ZYG11B: variants seen among roughly 807,000 people sequenced by gnomAD.
ZYG11B encodes zyg-11 family member B, cell cycle regulator, also known as protein zyg-11 homolog B.
A neutral mutation model predicts 82.4 loss-of-function variants in ZYG11B; 36 were observed. That is an observed-to-expected ratio of 0.44 (90% CI 0.33 to 0.58). The LOEUF is 0.58. Ranked by LOEUF, ZYG11B falls within the 20% of genes least tolerant of loss-of-function variation. The probability of loss-of-function intolerance (pLI) is 0.02; values close to 1 mark genes in which losing one functional copy is unlikely to be tolerated. For missense variants in ZYG11B, 552 were observed against 895.6 expected (o/e 0.62, Z 4.90); for synonymous variants, 303 against 312.8 (o/e 0.97, Z 0.33).
chr1:52,749,080 G>A (rs1644500457), intron 1 of ZYG11B, among the ~76,000 whole-genome samples: 1 of 151,732 alleles, frequency 6.6e-6, no homozygotes, highest in Non-Finnish European at 1.5e-5. Context: ...CCGCGTGCCT[G>A]TAATCCCAGG....
Position 52,802,092 on chromosome 1 carries a change from T to A in ZYG11B, c.1648T>A (p.Ser550Thr). ...GLELFMRVLESFPTESSIQQK... is the reference protein window; with the variant it reads ...GLELFMRVLETFPTESSIQQK... Reference sequence around the variant, plus strand: ...TATAGGTTTCTTTTTCTTTTTACAGTCTTTCCCAACTGAGTCATCCATTCA... The same window carrying A: ...TATAGGTTTCTTTTTCTTTTTACAGACTTTCCCAACTGAGTCATCCATTCA... Residue 550 changes from serine to threonine, a missense_variant and splice_region_variant, in exon 10 of 14, where the codon TCT becomes ACT. Physicochemically the swap from Ser to Thr is moderately conservative, Grantham distance 58. This residue lies in a region of ZYG11B where 66 missense variants were observed against 176.4 expected (regional missense o/e 0.37). Coordinates refer to ENST00000294353, the MANE Select transcript of ZYG11B (RefSeq NM_024646.3). 3.7e-6 allele frequency: 6 copies of A among 1,608,064 alleles called. No homozygotes were observed. Among genetic ancestry groups the A allele is most frequent in the Non-Finnish European group, 4.2e-6 (5 of 1,178,484 alleles).
chr1:52,733,462 C>G (rs1037844141), intron 1 of ZYG11B, among the ~76,000 whole-genome samples: 27 of 152,010 alleles, frequency 1.8e-4, no homozygotes, highest in African/African-American at 6.0e-4. Context: ...TTGCTTGAGC[C>G]CAGGAGTTCG....
chr1:52,820,036 T>C (rs12733010), intron 13 of ZYG11B, among the ~76,000 whole-genome samples: 3 of 150,992 alleles, frequency 2.0e-5, no homozygotes, highest in Non-Finnish European at 1.5e-5. Flanking sequence ...GCCTCAGCCT[T>C]CCAAGTAGCT....
At chr1:52,731,891 C>T (rs921818598) in intron 1 of ZYG11B, among the ~76,000 whole-genome samples, 4 of 152,298 alleles carry the variant, frequency 2.6e-5, no homozygotes, top group African/African-American at 9.6e-5. Flanking sequence ...CAGTCTCGAC[C>T]TCCCAGGCCC....
intron 3 of ZYG11B, among the ~76,000 whole-genome samples, chr1:52,773,459 G>A (rs1194523435): frequency 6.9e-6 from 1 of 144,652 alleles, no homozygotes; most frequent in African/African-American, 2.6e-5. Context: ...GGGTGACAGC[G>A]TGAGACTCCG....
rs771062294 is a variant in ZYG11B at position 52,784,918 on chromosome 1, A to G, written c.1134A>G (p.Pro378=). The change falls in exon 5 of 14, where the codon CCA becomes CCG. Residue 378 remains proline, a synonymous_variant. Coordinates refer to ENST00000294353, the MANE Select transcript of ZYG11B (RefSeq NM_024646.3). Reference sequence around the variant, plus strand: ...TGAGAAACCACCCTATGAATTTGCCAGTGCAACTGGCTGCAAGCGCCTGTG... The same window carrying G: ...TGAGAAACCACCCTATGAATTTGCCGGTGCAACTGGCTGCAAGCGCCTGTG... The part of the protein sequence containing the change: ...TGMRNHPMNL[P]VQLAASACVF... 3.1e-6 allele frequency: 5 copies of G among 1,613,886 alleles called. No individual in the cohort carries two copies. The South Asian group carries it at 4.4e-5, about 14-fold the overall frequency.
intron 3 of ZYG11B, chr1:52,772,695 T>C: frequency 1.4e-6 from 1 of 714,146 alleles, no homozygotes. Flanking sequence ...TTTTTTCTTT[T>C]GAGACGGAGT....
chr1:52,749,840 A>C (rs948019270), intron 1 of ZYG11B, among the ~76,000 whole-genome samples: 8 of 152,204 alleles, frequency 5.3e-5, no homozygotes, highest in African/African-American at 1.9e-4. Flanking sequence ...GGCATGAGCC[A>C]CCGTGCCCAT....
At chr1:52,750,754 C>T (rs1306116023) in intron 1 of ZYG11B, among the ~76,000 whole-genome samples, 1 of 152,164 alleles carries the variant, frequency 6.6e-6, no homozygotes, top group Non-Finnish European at 1.5e-5. Context: ...CTAGCATTCA[C>T]TTTCCATTTT....
At chr1:52,758,198 CAA>C (rs11325463) in intron 2 of ZYG11B, among the ~76,000 whole-genome samples, 49 of 66,458 alleles carry the variant, frequency 7.4e-4, no homozygotes, top group East Asian at 2.8e-3. Flanking sequence ...GACTCTGTCT[CAA>C]AAAAAAAAAA....
At chr1:52,744,716 C>T (rs1381940005) in intron 1 of ZYG11B, among the ~76,000 whole-genome samples, 1 of 152,126 alleles carries the variant, frequency 6.6e-6, no homozygotes, top group Non-Finnish European at 1.5e-5. Context: ...GTGGCACGCG[C>T]CTGTAGTCCC....
At chr1:52,815,053 G>A (rs567957980) in intron 12 of ZYG11B, among the ~76,000 whole-genome samples, 227 of 152,284 alleles carry the variant, frequency 1.5e-3, no homozygotes, top group Non-Finnish European at 2.5e-3. Context: ...AGCTACTTGG[G>A]AGGCTGAGGC....
At chr1:52,789,682 C>T (rs913751012) in intron 5 of ZYG11B, among the ~76,000 whole-genome samples, 2 of 152,110 alleles carry the variant, frequency 1.3e-5, no homozygotes, top group African/African-American at 4.8e-5. Flanking sequence ...AACTTTCAAC[C>T]ACTGTTTTTG....
chr1:52,800,175 T>C lies in ZYG11B; in HGVS notation c.1486-1644T>C, dbSNP rs1311508974. Among the ~76,000 whole-genome samples the C allele has an allele frequency of 3.3e-5, 5 of 151,140 alleles. No individual in the cohort carries two copies. In the East Asian group the frequency reaches 9.7e-4, roughly 29 times the overall value. On this transcript the variant is annotated intron_variant, in intron 8 of 13. Transcript: ENST00000294353. ...CCTGTGGTCTCAGCTACTCAGGAGG[T>C]TGAAGCAAGAGGATCGCTTGAGCTT...
intron 1 of ZYG11B, among the ~76,000 whole-genome samples, chr1:52,735,893 A>T (rs958140088): frequency 2.6e-5 from 4 of 152,192 alleles, no homozygotes; most frequent in Non-Finnish European, 5.9e-5. Flanking sequence ...CAGGACAGTA[A>T]CATACTTTCA....
At chr1:52,761,217 T>C (rs993650057) in intron 2 of ZYG11B, among the ~76,000 whole-genome samples, 1 of 152,214 alleles carries the variant, frequency 6.6e-6, no homozygotes, top group Non-Finnish European at 1.5e-5. Flanking sequence ...ATCATCCTTG[T>C]AGCTATTTGA....
intron 2 of ZYG11B, among the ~76,000 whole-genome samples, chr1:52,768,627 C>T (rs1457526918): frequency 7.3e-6 from 1 of 137,682 alleles, no homozygotes; most frequent in African/African-American, 2.8e-5. Flanking sequence ...TGGAGTCTTG[C>T]TCTGACGCCC....
chr1:52,768,738 C>T (rs1234860310), intron 2 of ZYG11B, among the ~76,000 whole-genome samples: 6 of 151,914 alleles, frequency 3.9e-5, no homozygotes, highest in Non-Finnish European at 5.9e-5. Flanking sequence ...GTATTACAGG[C>T]GCGCACCACC....
At chr1:52,803,157 CATATATATAT>C (rs1167719162) in intron 10 of ZYG11B, among the ~76,000 whole-genome samples, 1,875 of 42,812 alleles carry the variant, frequency 0.044, 259 homozygotes, top group African/African-American at 0.18. Context: ...TATATATACA[CATATATATAT>C]ACACACATAT....
Sources: allele counts gnomAD v4.1 joint callset (sites outside exome capture counted in the v4.1 genomes callset), GRCh38; gene constraint gnomAD v4.1.1; regional missense constraint gnomAD v4.1.1; transcripts MANE v1.5; gene names NCBI Gene and HGNC (gene_info 2026-07-23, HGNC 2026-07-21).